SLC9A1: variants seen among roughly 807,000 people sequenced by gnomAD.
The protein encoded by SLC9A1 is solute carrier family 9 member A1, also known as sodium/hydrogen exchanger 1.
In SLC9A1, 22 loss-of-function variants were observed where a neutral mutation model predicts 67.9. The observed-to-expected ratio is 0.32, with a 90% CI of 0.23 to 0.46. The LOEUF is 0.46. Among genes scored for constraint, SLC9A1 ranks in the 20% least tolerant of loss-of-function variants. The pLI, the probability that SLC9A1 is intolerant of heterozygous loss-of-function variation, is 1.00. For synonymous variants in SLC9A1, 421 were observed against 471.8 expected, an observed-to-expected ratio of 0.89 and a Z score of 1.40; for missense variants, 686 against 1,094.8, an observed-to-expected ratio of 0.63 and a Z score of 5.27.
At position 27,137,239 on chromosome 1, in the gene SLC9A1, G is replaced by A. The variant is rs555881501; in HGVS notation, c.352+16744C>T. Among the ~76,000 whole-genome samples, 2 of 152,378 alleles carry A rather than the reference G, an allele frequency of 1.3e-5. No individual in the cohort carries two copies. Among genetic ancestry groups the A allele is most frequent in the Admixed American group, 1.3e-4 (2 of 15,306 alleles). ...GAAAAGAAAGTGGGACAGGCAGGAG[G>A]CCGCCTCACCTCTGCGGAGGGAACG... On this transcript the variant is annotated intron_variant, in intron 1 of 11. Transcript: ENST00000263980. The surrounding 1 kb of genome is among the most constrained non-coding windows in gnomAD (Gnocchi z 4.6).
Position 27,109,448 on chromosome 1 carries a change from C to T in SLC9A1, c.1064+79G>A. ...GGCTGGGCCCTGGGAGCTCCGTGAA[C>T]CTACGAGCCTGGGGAATCCAAGCTG... On this transcript the variant is annotated intron_variant, in intron 3 of 11. Coordinates refer to ENST00000263980, the MANE Select transcript of SLC9A1 (RefSeq NM_003047.5). The surrounding 1 kb of genome is among the most constrained non-coding windows in gnomAD (Gnocchi z 5.5). 1 of 1,496,966 alleles carries T rather than the reference C, an allele frequency of 6.7e-7. No individual in the cohort carries two copies. The highest frequency in any genetic ancestry group is 9.1e-7 in the Non-Finnish European group (1 of 1,093,368). The allele number at this position is 1,496,966 out of a possible 1,614,324, so 92.7% of individuals were successfully genotyped here. A position where few individuals can be genotyped will look rare whatever the true frequency, so the allele number is the denominator to read the frequency against.
In SLC9A1 at chr1:27,118,935, C is replaced by T. The variant is rs115965738; in HGVS notation, c.353-4649G>A. ...AATTCAACATCTCCAAGCACAGCCA[C>T]AGGCCAAACCCTCTGACACAGTTCA... On this transcript the variant is annotated intron_variant, in intron 1 of 11. Transcript: ENST00000263980. The surrounding 1 kb of genome is among the most constrained non-coding windows in gnomAD (Gnocchi z 4.3). Among the ~76,000 whole-genome samples the T allele has an allele frequency of 3.3e-3, 499 of 152,156 alleles. 5 individuals carry two copies. The highest frequency in any genetic ancestry group is 0.011 in the African/African-American group (469 of 41,498).
rs1317471870 is a variant in SLC9A1 at position 27,102,044 on chromosome 1, C to T, written c.1907G>A (p.Arg636Lys). Reference sequence around the variant, plus strand: ...CTGCCTGGTCTTCTGCAAGTTGTTCCTCAGGATTTTGCGGATCTCCTCCTC... The same window carrying T: ...CTGCCTGGTCTTCTGCAAGTTGTTCTTCAGGATTTTGCGGATCTCCTCCTC... ...DKEEEIRKILRNNLQKTRQRL... is the reference protein window; with the variant it reads ...DKEEEIRKILKNNLQKTRQRL... Residue 636 changes from arginine to lysine, a missense_variant, in exon 9 of 12, where the codon AGG becomes AAG. This residue lies in a region of SLC9A1 where 226 missense variants were observed against 282.4 expected (regional missense o/e 0.80). Coordinates refer to ENST00000263980, the MANE Select transcript of SLC9A1 (RefSeq NM_003047.5). 3 of 1,613,868 alleles carry T rather than the reference C, an allele frequency of 1.9e-6. No individual in the cohort carries two copies. The South Asian group carries it at 3.3e-5, about 18-fold the overall frequency.
intron 1 of SLC9A1, among the ~76,000 whole-genome samples, chr1:27,132,926 TG>T (rs1229779960): frequency 6.6e-6 from 1 of 152,160 alleles, no homozygotes; most frequent in Non-Finnish European, 1.5e-5. Flanking sequence ...TACTGCACTG[TG>T]ACGTGGTAGC....
At chr1:27,113,474 G>A (rs2083244532) in intron 2 of SLC9A1, among the ~76,000 whole-genome samples, 1 of 152,100 alleles carries the variant, frequency 6.6e-6, no homozygotes, top group South Asian at 2.1e-4. Context: ...CAAAAAGCAA[G>A]TCAAGTCAAG....
Position 27,154,579 on chromosome 1 carries a change from G to A in SLC9A1, c.-245C>T. ...GAACGACCACGAAAGGAGACCAAAA[G>A]GTCTGGAACTCCGGGCCTGGGAAGG... On this transcript the variant is annotated 5_prime_UTR_variant, in exon 1 of 12. Coordinates refer to ENST00000263980, the MANE Select transcript of SLC9A1 (RefSeq NM_003047.5). The A allele has an allele frequency of 4.5e-6, 2 of 447,780 alleles. No individual in the cohort carries two copies. The allele number at this position is 447,780 out of a possible 1,614,324, so 27.7% of individuals were successfully genotyped here. A position where few individuals can be genotyped will look rare whatever the true frequency, so the allele number is the denominator to read the frequency against.
chr1:27,101,913 T>G lies in SLC9A1; in HGVS notation c.1936-87A>C. 1 of 1,397,654 alleles carries G rather than the reference T, an allele frequency of 7.2e-7. No homozygotes were observed. Among genetic ancestry groups the G allele is most frequent in the South Asian group, 1.2e-5 (1 of 86,762 alleles). 86.6% of individuals were successfully genotyped at this position (1,397,654 alleles called of 1,614,324 possible). A position where few individuals can be genotyped will look rare whatever the true frequency, so the allele number is the denominator to read the frequency against. ...GGGGCAGTGCTGGAGGCCGGGCCAG[T>G]CCTGGGGTGGGTGCCGAGGGGCACG... On this transcript the variant is annotated intron_variant, in intron 9 of 11. Transcript: ENST00000263980. This position sits in a 1 kb window ranked among gnomAD's most constrained non-coding sequence, Gnocchi z 4.9.
chr1:27,124,827 A>G (rs1432195053), intron 1 of SLC9A1, among the ~76,000 whole-genome samples: 1 of 151,840 alleles, frequency 6.6e-6, no homozygotes, highest in African/African-American at 2.4e-5. Flanking sequence ...AGAGAAAATG[A>G]CTCTCAGGGG....
rs555884082 is a variant in SLC9A1 at position 27,101,642 on chromosome 1, A to G, written c.2037+83T>C. 1.0e-6 allele frequency: 1 copy of G among 990,696 alleles called. No individual in the cohort carries two copies. Among genetic ancestry groups the G allele is most frequent in the Non-Finnish European group, 1.6e-6 (1 of 638,568 alleles). The allele number at this position is 990,696 out of a possible 1,614,324, so 61.4% of individuals were successfully genotyped here. On this transcript the variant is annotated intron_variant, in intron 10 of 11. Transcript: ENST00000263980. This position sits in a 1 kb window ranked among gnomAD's most constrained non-coding sequence, Gnocchi z 4.9. ...CTCGAAAGCCAAACCCTGTTCCTAG[A>G]ATGGGTACATTTCCTTAGAGGCTGT...
In SLC9A1 at chr1:27,110,678, C is replaced by T. The variant is rs372075972; in HGVS notation, c.814-901G>A. Among the ~76,000 whole-genome samples, 300 of 152,348 alleles carry T rather than the reference C, an allele frequency of 2.0e-3. 1 individual carries two copies. Among genetic ancestry groups the T allele is most frequent in the African/African-American group, 5.9e-3 (246 of 41,590 alleles). On this transcript the variant is annotated intron_variant, in intron 2 of 11. Transcript: ENST00000263980. Reference sequence around the variant, plus strand: ...CGAGGCTCACAGTGGTAAAACAACACGCCAGGGGGCCCCCAGCCCAGGAGC... The same window carrying T: ...CGAGGCTCACAGTGGTAAAACAACATGCCAGGGGGCCCCCAGCCCAGGAGC...
chr1:27,129,539 C>T lies in SLC9A1; in HGVS notation c.353-15253G>A, dbSNP rs145270904. Reference sequence around the variant, plus strand: ...TAGAAACAGCAATGGGAGGTCAGCTCTCTCCTGTGGGAGAAGAGGGGCAGC... The same window carrying T: ...TAGAAACAGCAATGGGAGGTCAGCTTTCTCCTGTGGGAGAAGAGGGGCAGC... On this transcript the variant is annotated intron_variant, in intron 1 of 11. Transcript: ENST00000263980. 4.9e-4 allele frequency among the ~76,000 whole-genome samples: 74 copies of T among 152,304 alleles called. 1 individual carries two copies. In the East Asian group the frequency reaches 0.014, roughly 29 times the overall value.
intron 1 of SLC9A1, among the ~76,000 whole-genome samples, chr1:27,139,859 C>T (rs932657089): frequency 6.6e-6 from 1 of 150,768 alleles, no homozygotes; most frequent in South Asian, 2.1e-4. Flanking sequence ...GTGAGGCGAT[C>T]TCGGCTCACA....
At chr1:27,135,338 CCACTGTG>C (rs2083412990) in intron 1 of SLC9A1, among the ~76,000 whole-genome samples, 1 of 152,054 alleles carries the variant, frequency 6.6e-6, no homozygotes, top group South Asian at 2.1e-4. Context: ...CAGGGGTGAG[CCACTGTG>C]CACAGATTAA....
At position 27,105,977 on chromosome 1, in the gene SLC9A1, G is replaced by C; in HGVS notation, c.1393C>G (p.Leu465Val). ...GGLRGAIAFS[L>V]GYLLDKKHFP... ...TGCTTCTTGTCCAGGAGGTAGCCCA[G>C]AGAGAAGGCGATGGCCCCTCGCAGG... Residue 465 changes from leucine (L) to valine (V), a missense_variant, in exon 5 of 12, where the codon CTG becomes GTG. Leu to Val is a conservative substitution (Grantham distance 32). This residue lies in a region of SLC9A1 where 168 missense variants were observed against 375.4 expected (regional missense o/e 0.45). Transcript: ENST00000263980. 6.2e-7 allele frequency: 1 copy of C among 1,613,726 alleles called. No individual in the cohort carries two copies. Among genetic ancestry groups the C allele is most frequent in the Non-Finnish European group, 8.5e-7 (1 of 1,179,976 alleles).
chr1:27,105,271 T>G (rs1305812945), intron 5 of SLC9A1, among the ~76,000 whole-genome samples: 2 of 152,200 alleles, frequency 1.3e-5, no homozygotes, highest in Non-Finnish European at 2.9e-5. Context: ...AGAGAGATCT[T>G]GGGCCTGTTG....
At chr1:27,144,772 G>A (rs1390822736) in intron 1 of SLC9A1, among the ~76,000 whole-genome samples, 3 of 152,236 alleles carry the variant, frequency 2.0e-5, no homozygotes, top group African/African-American at 2.4e-5. Context: ...ACTTTGGGAG[G>A]CCAAGGTGGG....
intron 1 of SLC9A1, among the ~76,000 whole-genome samples, chr1:27,131,439 CAAAAA>C (rs35954506): frequency 7.3e-5 from 2 of 27,490 alleles, no homozygotes; most frequent in Non-Finnish European, 6.0e-5. Flanking sequence ...ACTAAAAATA[CAAAAA>C]AAAAAAAAAA....
chr1:27,154,385 G>A lies in SLC9A1; in HGVS notation c.-51C>T, dbSNP rs767713031. 2 of 1,228,474 alleles carry A rather than the reference G, an allele frequency of 1.6e-6. No homozygotes were observed. Among genetic ancestry groups the A allele is most frequent in the South Asian group, 3.1e-5 (2 of 64,838 alleles). 76.1% of individuals were successfully genotyped at this position (1,228,474 alleles called of 1,614,324 possible). A position where few individuals can be genotyped will look rare whatever the true frequency, so the allele number is the denominator to read the frequency against. On this transcript the variant is annotated 5_prime_UTR_variant, in exon 1 of 12. Coordinates refer to ENST00000263980, the MANE Select transcript of SLC9A1 (RefSeq NM_003047.5). ...ACCTTACCCAAATGAGAGTAAAACC[G>A]GGCACATAGGTAGCAAAGGGTCAGC...
intron 1 of SLC9A1, among the ~76,000 whole-genome samples, chr1:27,144,897 C>T (rs1025177123): frequency 2.0e-5 from 3 of 151,978 alleles, no homozygotes; most frequent in Admixed American, 6.6e-5. Context: ...GTAATCCCAG[C>T]TACTCTGGAG....
Sources: allele counts gnomAD v4.1 joint callset (sites outside exome capture counted in the v4.1 genomes callset), GRCh38; gene constraint gnomAD v4.1.1; regional missense constraint gnomAD v4.1.1; non-coding constraint Gnocchi (gnomAD v3.1); transcripts MANE v1.5; gene names NCBI Gene and HGNC (gene_info 2026-07-23, HGNC 2026-07-21).